The following DPYSL3 variants were observed in gnomAD, a reference collection of about 807,000 sequenced individuals.
DPYSL3 encodes dihydropyrimidinase-related protein 3.
In DPYSL3, 16 loss-of-function variants were observed where a neutral mutation model predicts 66.1. The observed-to-expected ratio is 0.24, with a 90% confidence interval of 0.16 to 0.37. DPYSL3 has a LOEUF of 0.37. Ranked by LOEUF, DPYSL3 falls within the 10% of genes least tolerant of loss-of-function variation. DPYSL3 has a pLI of 1.00. For synonymous variants in DPYSL3, 338 were observed against 345.1 expected (o/e 0.98, Z 0.23); for missense variants, 738 against 916.2 (o/e 0.81, Z 2.51).
At chr5:147,469,311 G>A (rs1753051939) in intron 1 of DPYSL3, among the ~76,000 whole-genome samples, 1 of 152,204 alleles carries the variant, frequency 6.6e-6, no homozygotes, top group African/African-American at 2.4e-5. Context: ...TAGGGCCCAG[G>A]TGAGAAGATA....
At chr5:147,461,419 C>T (rs1752929554) in intron 1 of DPYSL3, among the ~76,000 whole-genome samples, 1 of 152,132 alleles carries the variant, frequency 6.6e-6, no homozygotes, top group Non-Finnish European at 1.5e-5. Flanking sequence ...TGCATTTCAC[C>T]ATAGACCCAG....
chr5:147,503,649 G>A (rs1753645764), intron 1 of DPYSL3, among the ~76,000 whole-genome samples: 1 of 152,248 alleles, frequency 6.6e-6, no homozygotes, highest in African/African-American at 2.4e-5. Context: ...GCACATATGT[G>A]TAAACATATA....
In DPYSL3 at chr5:147,397,728, G is replaced by T. The variant is rs753362629; in HGVS notation, c.1741C>A (p.Arg581Ser). The change falls in exon 12 of 14, where the codon CGC becomes AGC. Residue 581 changes from arginine to serine, a missense_variant. Arg to Ser is a moderately radical substitution (Grantham distance 110). Coordinates refer to ENST00000343218, the MANE Select transcript of DPYSL3 (RefSeq NM_001197294.2). ...GNLHVTQGAG[R>S]FIPCSPFSDY... ...GAGAACGGGCTGCAGGGTATGAAGC[G>T]GCCAGCCCCCTGGGTCACGTGCAGG... 9.9e-6 allele frequency: 16 copies of T among 1,614,000 alleles called. No individual in the cohort carries two copies. The South Asian group carries it at 1.8e-4, about 18-fold the overall frequency.
chr5:147,479,956 T>C (rs373808992), intron 1 of DPYSL3, among the ~76,000 whole-genome samples: 8 of 152,332 alleles, frequency 5.3e-5, no homozygotes, highest in African/African-American at 1.9e-4. Flanking sequence ...TGTACAGTGA[T>C]GAGACCAAGG....
At chr5:147,428,540 C>T (rs1336090852) in intron 1 of DPYSL3, among the ~76,000 whole-genome samples, 2 of 152,068 alleles carry the variant, frequency 1.3e-5, no homozygotes, top group African/African-American at 2.4e-5. Flanking sequence ...TAAAATCAAA[C>T]CCCACTGGAC....
intron 1 of DPYSL3, among the ~76,000 whole-genome samples, chr5:147,485,464 C>T (rs577834686): frequency 1.6e-4 from 25 of 152,292 alleles, no homozygotes; most frequent in African/African-American, 5.5e-4. Flanking sequence ...TACTTTCCAT[C>T]ATATGAATAT....
At chr5:147,399,502 A>G (rs1029863615) in intron 10 of DPYSL3, among the ~76,000 whole-genome samples, 6 of 152,170 alleles carry the variant, frequency 3.9e-5, no homozygotes, top group African/African-American at 1.4e-4. Context: ...ATTTTTTTCT[A>G]TATGTTCTTA....
chr5:147,496,461 C>A (rs1427727861), intron 1 of DPYSL3, among the ~76,000 whole-genome samples: 4 of 152,008 alleles, frequency 2.6e-5, no homozygotes, highest in Admixed American at 1.3e-4. Flanking sequence ...AGTGAACAGG[C>A]AACCTACAAA....
rs954076964 is a variant in DPYSL3 at position 147,478,477 on chromosome 5, C to T, written c.381+31001G>A. Among the ~76,000 whole-genome samples, 4 of 152,174 alleles carry T rather than the reference C, an allele frequency of 2.6e-5. No homozygotes were observed. In the South Asian group the frequency reaches 8.3e-4, roughly 32 times the overall value. ...GAAAGAAGAAGGCAGCCAAGAGAGT[C>T]CAAGATGCCTGTTAAGTTTTGTGGC... On this transcript the variant is annotated intron_variant, in intron 1 of 13. Coordinates refer to ENST00000343218, the MANE Select transcript of DPYSL3 (RefSeq NM_001197294.2).
chr5:147,458,869 A>G (rs1300307221), intron 1 of DPYSL3, among the ~76,000 whole-genome samples: 2 of 152,200 alleles, frequency 1.3e-5, no homozygotes, highest in Non-Finnish European at 2.9e-5. Flanking sequence ...AACACAGTGT[A>G]TAGGGGAATA....
chr5:147,409,120 T>C (rs1751789501), intron 6 of DPYSL3, among the ~76,000 whole-genome samples: 1 of 152,224 alleles, frequency 6.6e-6, no homozygotes, highest in Non-Finnish European at 1.5e-5. Context: ...TATACTTGCT[T>C]ATCTCATTTG....
At chr5:147,488,243 G>A (rs1403344420) in intron 1 of DPYSL3, among the ~76,000 whole-genome samples, 2 of 152,146 alleles carry the variant, frequency 1.3e-5, no homozygotes, top group Non-Finnish European at 2.9e-5. Flanking sequence ...GAAGCTAGGA[G>A]GCTCTAGAAA....
intron 2 of DPYSL3, among the ~76,000 whole-genome samples, chr5:147,423,176 C>G (rs779577086): frequency 2.0e-5 from 3 of 152,008 alleles, no homozygotes; most frequent in Non-Finnish European, 4.4e-5. Context: ...AACATAAAAT[C>G]AATTGTGGCT....
At chr5:147,421,059 G>C (rs1752067177) in intron 2 of DPYSL3, among the ~76,000 whole-genome samples, 1 of 152,190 alleles carries the variant, frequency 6.6e-6, no homozygotes, top group African/African-American at 2.4e-5. Context: ...CAAATAGGAA[G>C]AGAGGAAGTC....
chr5:147,408,427 G>A (rs1480819563), intron 7 of DPYSL3, among the ~76,000 whole-genome samples: 1 of 152,152 alleles, frequency 6.6e-6, no homozygotes, highest in Non-Finnish European at 1.5e-5. Flanking sequence ...AAGGGAATAA[G>A]TGGAAATGTC....
At chr5:147,483,060 T>C (rs1481371249) in intron 1 of DPYSL3, among the ~76,000 whole-genome samples, 2 of 152,094 alleles carry the variant, frequency 1.3e-5, no homozygotes, top group African/African-American at 4.8e-5. Flanking sequence ...GGGATTACAA[T>C]TCAAGATGAG....
At position 147,391,126 on chromosome 5, in the gene DPYSL3, A is replaced by C. The variant is rs1333718260; in HGVS notation, c.*2909T>G. ...GTTTTCCAGGGGAGAAAGCCTGGGA[A>C]GCTTGTGGCAAGGAAGTTGGGAATT... On this transcript the variant is annotated 3_prime_UTR_variant, in exon 14 of 14. Coordinates refer to ENST00000343218, the MANE Select transcript of DPYSL3 (RefSeq NM_001197294.2). The C allele has an allele frequency of 6.6e-6, 1 of 152,576 alleles. No homozygotes were observed. The highest frequency in any genetic ancestry group is 2.4e-5 in the African/African-American group (1 of 41,450). The allele number at this position is 152,576 out of a possible 1,614,324, so 9.5% of individuals were successfully genotyped here.
intron 9 of DPYSL3, 54 bp from the exon 10 acceptor site, chr5:147,400,887 G>A: frequency 6.3e-7 from 1 of 1,588,940 alleles, no homozygotes; most frequent in Non-Finnish European, 8.6e-7. Flanking sequence ...GAGGCACACT[G>A]GGAGCTTAGA....
chr5:147,408,637 C>T lies in DPYSL3; in HGVS notation c.1032+91G>A, dbSNP rs1751774491. On this transcript the variant is annotated intron_variant, in intron 7 of 13. Transcript: ENST00000343218. Reference sequence around the variant, plus strand: ...AGAAGTGGTCTTTGGAAGAAATGTTCCAATACTGCAACCTGGTACTCACAT... The same window carrying T: ...AGAAGTGGTCTTTGGAAGAAATGTTTCAATACTGCAACCTGGTACTCACAT... The T allele has an allele frequency of 2.9e-6, 4 of 1,394,254 alleles. No homozygotes were observed. The South Asian group carries it at 4.8e-5, about 17-fold the overall frequency. The allele number at this position is 1,394,254 out of a possible 1,614,324, so 86.4% of individuals were successfully genotyped here.
Sources: allele counts gnomAD v4.1 joint callset (sites outside exome capture counted in the v4.1 genomes callset), GRCh38; gene constraint gnomAD v4.1.1; transcripts MANE v1.5; gene names NCBI Gene and HGNC (gene_info 2026-07-23, HGNC 2026-07-21).